NCAM1: variants seen among roughly 807,000 people sequenced by gnomAD.
NCAM1 encodes antigen recognized by monoclonal antibody 5.1H11.
NCAM1 carries 14 observed loss-of-function variants against 109.8 expected under a neutral mutation model. The observed-to-expected ratio is 0.13, with a 90% CI of 0.08 to 0.20. The LOEUF (loss-of-function observed/expected upper bound fraction) is 0.20. NCAM1 is among the 10% of genes least tolerant of loss of function. The pLI is 1.00. For missense variants in NCAM1, 774 were observed against 1,109.9 expected (o/e 0.70, Z 4.30); for synonymous variants, 418 against 442.9 (o/e 0.94, Z 0.70).
At chr11:112,992,387 A>G (rs1292478920) in intron 1 of NCAM1, among the ~76,000 whole-genome samples, 29 of 152,078 alleles carry the variant, frequency 1.9e-4, no homozygotes, top group Admixed American at 3.3e-4. Flanking sequence ...TAAACTTAAT[A>G]TGTCTAATTG....
intron 15 of NCAM1, among the ~76,000 whole-genome samples, chr11:113,246,989 G>A (rs1945518209): frequency 6.6e-6 from 1 of 152,162 alleles, no homozygotes; most frequent in African/African-American, 2.4e-5. Context: ...CCCAGGGAGG[G>A]GGAGAAAATC....
intron 1 of NCAM1, chr11:113,041,074 G>C (rs782029126): frequency 7.2e-5 from 11 of 152,164 alleles, no homozygotes; most frequent in Non-Finnish European, 1.5e-4. Context: ...TCAGCTACAA[G>C]GAAATGTCAT....
rs190075945 is a variant in NCAM1, at chr11:113,254,013, C to T, written c.1829-1864C>T. On this transcript the variant is annotated intron_variant, in intron 15 of 19. Transcript: ENST00000316851. ...TTGTAAAGTTCTCCTGTGTCTCCTT[C>T]TATTTGTTCAGCATTTCTGAATCTA... is the stretch of plus-strand genomic sequence containing the variant. 3.3e-5 allele frequency among the ~76,000 whole-genome samples: 5 copies of T among 151,430 alleles called. No individual in the cohort carries two copies. In the South Asian group the frequency reaches 1.0e-3, roughly 32 times the overall value.
chr11:113,101,004 G>A (rs1177811787), intron 1 of NCAM1, among the ~76,000 whole-genome samples: 2 of 152,170 alleles, frequency 1.3e-5, no homozygotes, highest in East Asian at 3.9e-4. Context: ...GTCAAAAGAA[G>A]GACTTCCTCC....
At chr11:113,106,861 G>A (rs1264859296) in intron 1 of NCAM1, among the ~76,000 whole-genome samples, 1 of 152,206 alleles carries the variant, frequency 6.6e-6, no homozygotes, top group Non-Finnish European at 1.5e-5. Flanking sequence ...AGAGAGAAAT[G>A]TAAAAATGGC....
intron 14 of NCAM1, chr11:113,240,638 C>A: frequency 2.7e-6 from 2 of 741,994 alleles, no homozygotes; most frequent in Non-Finnish European, 2.4e-6. Flanking sequence ...CCCTGGCCAG[C>A]TGTTCACACA....
chr11:113,034,288 A>G (rs1445124168), intron 1 of NCAM1, among the ~76,000 whole-genome samples: 1 of 150,792 alleles, frequency 6.6e-6, no homozygotes, highest in Non-Finnish European at 1.5e-5. Flanking sequence ...TTTTTTTTTC[A>G]CTTTCACCTA....
At chr11:112,994,618 G>A (rs1951543664) in intron 1 of NCAM1, among the ~76,000 whole-genome samples, 1 of 152,162 alleles carries the variant, frequency 6.6e-6, no homozygotes, top group Non-Finnish European at 1.5e-5. Context: ...AGTCTGCTCT[G>A]TAACTTATTT....
intron 14 of NCAM1, among the ~76,000 whole-genome samples, chr11:113,238,587 G>C (rs1428525198): frequency 6.6e-6 from 1 of 152,162 alleles, no homozygotes; most frequent in Non-Finnish European, 1.5e-5. Flanking sequence ...CTGAGGACGA[G>C]CCTTAGGAAG....
intron 14 of NCAM1, 68 bp downstream of exon 14, chr11:113,235,232 T>G (rs1213587805): frequency 1.9e-6 from 3 of 1,612,202 alleles, no homozygotes; most frequent in South Asian, 1.1e-5. Context: ...TGGGGAACCC[T>G]GAGCTGGCCC....
intron 1 of NCAM1, among the ~76,000 whole-genome samples, chr11:113,014,598 T>C (rs781969880): frequency 6.6e-6 from 1 of 152,166 alleles, no homozygotes; most frequent in Non-Finnish European, 1.5e-5. Flanking sequence ...CAAAACTATA[T>C]GTTATAAACG....
chr11:113,164,351 A>G (rs1942707241), intron 1 of NCAM1, among the ~76,000 whole-genome samples: 1 of 152,164 alleles, frequency 6.6e-6, no homozygotes, highest in African/African-American at 2.4e-5. Context: ...GTGAACACCA[A>G]CAAGGTGTCC....
At chr11:113,165,815 T>A (rs577961231) in intron 1 of NCAM1, among the ~76,000 whole-genome samples, 3 of 85,292 alleles carry the variant, frequency 3.5e-5, no homozygotes, top group Admixed American at 1.4e-4. Flanking sequence ...CAAAACCGAC[T>A]GATTTTTTTT....
chr11:112,974,094 A>ATTAATCTGGAAGTCAC (rs527930912), intron 1 of NCAM1, among the ~76,000 whole-genome samples: 1 of 152,082 alleles, frequency 6.6e-6, no homozygotes, highest in African/African-American at 2.4e-5. Context: ...GTGACACTTC[A>ATTAATCTGGAAGTCAC]TTAATCTGGA....
intron 1 of NCAM1, among the ~76,000 whole-genome samples, chr11:113,037,293 A>T (rs1474507634): frequency 5.9e-5 from 9 of 152,208 alleles, no homozygotes; most frequent in African/African-American, 2.2e-4. Context: ...GCTCAGAATG[A>T]CACATGGAGA....
chr11:113,078,049 A>G (rs781927887), intron 1 of NCAM1, among the ~76,000 whole-genome samples: 2 of 152,124 alleles, frequency 1.3e-5, no homozygotes, highest in Non-Finnish European at 2.9e-5. Context: ...CTGTCATAAC[A>G]ATTAGTACGA....
At chr11:113,067,491 G>T (rs977309141) in intron 1 of NCAM1, among the ~76,000 whole-genome samples, 4 of 152,178 alleles carry the variant, frequency 2.6e-5, no homozygotes, top group Admixed American at 1.3e-4. Context: ...TTGGCTTTGT[G>T]ATTCATGGGC....
At chr11:113,078,038 A>G (rs1220573649) in intron 1 of NCAM1, among the ~76,000 whole-genome samples, 4 of 152,282 alleles carry the variant, frequency 2.6e-5, no homozygotes, top group East Asian at 3.9e-4. Context: ...GTGTCCTAGA[A>G]CTGTCATAAC....
chr11:113,251,046 C>A (rs1555121204), intron 15 of NCAM1, among the ~76,000 whole-genome samples: 1 of 152,188 alleles, frequency 6.6e-6, no homozygotes, highest in Non-Finnish European at 1.5e-5. Flanking sequence ...GGTGATCCAC[C>A]CACCTCAGCC....
Sources: gnomAD v4.1 joint callset for allele counts (sites outside exome capture counted in the v4.1 genomes callset) on GRCh38, gnomAD v4.1.1 for gene constraint, MANE v1.5 for transcripts, NCBI Gene and HGNC (gene_info 2026-07-23, HGNC 2026-07-21) for gene names.